Variants in SS18 observed in about 807,000 individuals in gnomAD.
SS18 encodes SS18 subunit of BAF chromatin remodeling complex, also known as protein SSXT.
In SS18, 28 loss-of-function variants were observed where a neutral mutation model predicts 72.5. The ratio of observed to expected loss-of-function variants is 0.39; its 90% CI spans 0.29 to 0.53. The LOEUF (loss-of-function observed/expected upper bound fraction) is 0.53. Among genes scored for constraint, SS18 ranks in the 20% least tolerant of loss-of-function variants. The pLI, the probability that SS18 is intolerant of heterozygous loss-of-function variation, is 0.76. For synonymous variants in SS18, 172 were observed against 164.2 expected (o/e 1.05, Z -0.37); for missense variants, 518 against 535.3 (o/e 0.97, Z 0.32).
intron 7 of SS18, among the ~76,000 whole-genome samples, chr18:26,038,157 C>G (rs2053656944): frequency 6.6e-6 from 1 of 151,988 alleles, no homozygotes; most frequent in Non-Finnish European, 1.5e-5. Flanking sequence ...ACTATATACT[C>G]TATGTATTTG....
At chr18:26,041,408 G>A (rs2053720881) in intron 5 of SS18, among the ~76,000 whole-genome samples, 1 of 152,128 alleles carries the variant, frequency 6.6e-6, no homozygotes. Context: ...TGGGCGACAA[G>A]TGTGAAACTC....
chr18:26,021,961 G>A (rs774955530), intron 10 of SS18, among the ~76,000 whole-genome samples: 5 of 152,174 alleles, frequency 3.3e-5, no homozygotes, highest in Admixed American at 6.5e-5. Flanking sequence ...CAACAGCATG[G>A]TGAACTGAGA....
At chr18:26,038,713 A>C in intron 6 of SS18, 54 bp from the exon 7 acceptor site, 1 of 1,411,630 alleles carries the variant, frequency 7.1e-7, no homozygotes, top group Non-Finnish European at 1.0e-6. Context: ...ATGTCATCAA[A>C]GGCTTTCTTT....
In SS18 at chr18:26,035,516, T is replaced by C; in HGVS notation, c.973+315A>G. On this transcript the variant is annotated intron_variant, in intron 8 of 10. Coordinates refer to ENST00000415083, the MANE Select transcript of SS18 (RefSeq NM_001007559.3). This position sits in a 1 kb window ranked among gnomAD's most constrained non-coding sequence, Gnocchi z 4.4. ...AAAGGCACTATACTTATATGTAAAATTATACATATGTAAACACACACGAGA... is the reference window on the plus strand; with the variant it reads ...AAAGGCACTATACTTATATGTAAAACTATACATATGTAAACACACACGAGA... The C allele has an allele frequency of 3.5e-6, 1 of 289,748 alleles. No homozygotes were observed. Among genetic ancestry groups the C allele is most frequent in the South Asian group, 8.2e-5 (1 of 12,234 alleles). 17.9% of individuals were successfully genotyped at this position (289,748 alleles called of 1,614,324 possible).
intron 2 of SS18, among the ~76,000 whole-genome samples, chr18:26,085,582 G>A (rs1043305773): frequency 6.6e-6 from 1 of 151,992 alleles, no homozygotes; most frequent in Non-Finnish European, 1.5e-5. Context: ...ATCTATAAAC[G>A]TGTATGCATA....
chr18:26,037,420 G>A lies in SS18; in HGVS notation c.880+1135C>T, dbSNP rs767441595. ...TATAATTTAACAAAGTAGATTTCAC[G>A]TCTTTAAAATACGTAGAGTCTACAA... On this transcript the variant is annotated intron_variant, in intron 7 of 10. Transcript: ENST00000415083. Among the ~76,000 whole-genome samples, 21 of 151,910 alleles carry A rather than the reference G, an allele frequency of 1.4e-4. 1 individual carries two copies. Among genetic ancestry groups the A allele is most frequent in the Admixed American group, 1.0e-3 (16 of 15,258 alleles).
At chr18:26,050,449 A>C (rs1018615343) in intron 5 of SS18, among the ~76,000 whole-genome samples, 6 of 152,084 alleles carry the variant, frequency 3.9e-5, no homozygotes, top group African/African-American at 1.2e-4. Flanking sequence ...GAATATTAAA[A>C]CTTCATTAAT....
intron 1 of SS18, chr18:26,089,713 T>C (rs2054680792): frequency 6.6e-6 from 1 of 152,220 alleles, no homozygotes; most frequent in African/African-American, 2.4e-5. Context: ...AGCAGCTCTA[T>C]CCTTTAAAAA....
rs150935847 is a variant in SS18, at chr18:26,030,879, G to A, written c.1230+1520C>T. ...CAATAAAGAATGAATCAATGTAAAC[G>A]CGAGAGGAACAAAATGTTTCAGAAA... is the stretch of plus-strand genomic sequence containing the variant. On this transcript the variant is annotated intron_variant, in intron 10 of 10. Transcript: ENST00000415083. Among the ~76,000 whole-genome samples the A allele has an allele frequency of 4.6e-5, 7 of 152,178 alleles. No individual in the cohort carries two copies. In the East Asian group the frequency reaches 5.8e-4, roughly 13 times the overall value.
At chr18:26,084,409 T>C (rs1362674071) in intron 2 of SS18, among the ~76,000 whole-genome samples, 1 of 152,188 alleles carries the variant, frequency 6.6e-6, no homozygotes, top group African/African-American at 2.4e-5. Context: ...GGATTTTTAG[T>C]GGATGCTAAA....
chr18:26,047,259 CAAAAA>C (rs71169806), intron 5 of SS18, among the ~76,000 whole-genome samples: 3 of 75,716 alleles, frequency 4.0e-5, no homozygotes, highest in Non-Finnish European at 5.6e-5. Context: ...AGTAATATGC[CAAAAA>C]AAAAAAAAAA....
intron 10 of SS18, among the ~76,000 whole-genome samples, chr18:26,029,120 C>G (rs985155659): frequency 6.6e-6 from 1 of 152,084 alleles, no homozygotes; most frequent in Non-Finnish European, 1.5e-5. Context: ...TACAAAGATT[C>G]TCAGGTAGAA....
intron 5 of SS18, among the ~76,000 whole-genome samples, chr18:26,046,448 G>T (rs556446695): frequency 6.6e-6 from 1 of 152,052 alleles, no homozygotes; most frequent in Admixed American, 6.6e-5. Context: ...ATATTTCCAA[G>T]AATTTCTTTA....
Position 26,052,635 on chromosome 18 carries a change from T to C in SS18, c.596A>G (p.Gln199Arg), listed in dbSNP as rs2053941404. ...TAAAGCTTAGTTACCTTGGTTTGGC[T>C]GCATACTCATATTTGGTCTGGGACC... is the stretch of plus-strand genomic sequence containing the variant. ...NYGPRPNMSM[Q>R]PNQGPMMHQQ... Residue 199 changes from glutamine to arginine, a missense_variant, in exon 5 of 11, where the codon CAG becomes CGG. Transcript: ENST00000415083. 6.2e-7 allele frequency: 1 copy of C among 1,613,830 alleles called. No homozygotes were observed. Among genetic ancestry groups the C allele is most frequent in the African/African-American group, 1.3e-5 (1 of 74,944 alleles).
chr18:26,049,206 A>T (rs2143957493), intron 5 of SS18, among the ~76,000 whole-genome samples: 1 of 152,392 alleles, frequency 6.6e-6, no homozygotes, highest in South Asian at 2.1e-4. Context: ...ATACACAGGT[A>T]TCTGTCCAAT....
At chr18:26,066,832 A>G (rs1007515447) in intron 3 of SS18, among the ~76,000 whole-genome samples, 4 of 152,192 alleles carry the variant, frequency 2.6e-5, no homozygotes, top group Non-Finnish European at 5.9e-5. Context: ...TAGACAAATT[A>G]TCTATGAAAT....
Position 26,052,237 on chromosome 18 carries a change from C to G in SS18, c.607+387G>C, listed in dbSNP as rs72878233. Among the ~76,000 whole-genome samples the G allele has an allele frequency of 3.1e-3, 465 of 152,300 alleles. 1 individual carries two copies. Among genetic ancestry groups the G allele is most frequent in the Non-Finnish European group, 5.5e-3 (371 of 68,010 alleles). On this transcript the variant is annotated intron_variant, in intron 5 of 10. Coordinates refer to ENST00000415083, the MANE Select transcript of SS18 (RefSeq NM_001007559.3). ...ACCTTTTAATGCTGAAACACAGCATCAGAAAACATCCATATAAATCAAGGG... is the reference window on the plus strand; with the variant it reads ...ACCTTTTAATGCTGAAACACAGCATGAGAAAACATCCATATAAATCAAGGG...
At chr18:26,032,289 C>A in intron 10 of SS18, 110 bp downstream of exon 10, 2 of 1,272,680 alleles carry the variant, frequency 1.6e-6, no homozygotes, top group Non-Finnish European at 2.2e-6. Context: ...ATAAACATTC[C>A]CTCATGAGGG....
rs1453590250 is a variant in SS18, at chr18:26,018,375, C to A, written c.1236G>T (p.Gln412His). 1 of 1,592,914 alleles carries A rather than the reference C, an allele frequency of 6.3e-7. No homozygotes were observed. The highest frequency in any genetic ancestry group is 1.1e-5 in the South Asian group (1 of 90,270). The stretch of plus-strand genomic sequence containing the variant: ...TTTTTCACTGCTGGTAATTTCCATA[C>A]TGTCCCTAAAAGATAAATTTAAAAA... The part of the protein sequence containing the change: ...QQRPYGYDQG[Q>H]YGNYQQ Residue 412 changes from glutamine to histidine, a missense_variant, in exon 11 of 11, where the codon CAG becomes CAT. Coordinates refer to ENST00000415083, the MANE Select transcript of SS18 (RefSeq NM_001007559.3).
Sources: gnomAD v4.1 joint callset for allele counts (sites outside exome capture counted in the v4.1 genomes callset) on GRCh38, gnomAD v4.1.1 for gene constraint, Gnocchi (gnomAD v3.1) non-coding constraint, MANE v1.5 for transcripts, NCBI Gene and HGNC (gene_info 2026-07-23, HGNC 2026-07-21) for gene names.